NOVA1: variants seen among roughly 807,000 people sequenced by gnomAD.
NOVA1 encodes RNA-binding protein Nova-1.
NOVA1 carries 7 observed loss-of-function variants against 38.0 expected under a neutral mutation model. The observed-to-expected ratio is 0.18, with a 90% CI of 0.10 to 0.35. The LOEUF (loss-of-function observed/expected upper bound fraction) is 0.35. NOVA1 is among the 10% of genes least tolerant of loss of function. NOVA1 has a pLI of 1.00. For synonymous variants in NOVA1, 270 were observed against 232.5 expected (o/e 1.16, Z -1.47); for missense variants, 460 against 616.0 (o/e 0.75, Z 2.68).
intron 2 of NOVA1, among the ~76,000 whole-genome samples, chr14:26,557,902 C>T (rs745997806): frequency 1.6e-4 from 24 of 150,932 alleles, no homozygotes; most frequent in Non-Finnish European, 4.4e-5. Flanking sequence ...AACAGTGATA[C>T]ATCCATACAA....
At chr14:26,541,762 G>T (rs1362128895) in intron 2 of NOVA1, among the ~76,000 whole-genome samples, 1 of 151,638 alleles carries the variant, frequency 6.6e-6, no homozygotes, top group Non-Finnish European at 1.5e-5. Flanking sequence ...AAGGGTTGAG[G>T]AGCAGGGAAA....
In NOVA1 at chr14:26,483,304, TTACC is replaced by T. The variant is rs1885608883; in HGVS notation, c.281-3165_281-3162del. On this transcript the variant is annotated intron_variant, in intron 2 of 4. Coordinates refer to ENST00000539517, the MANE Select transcript of NOVA1 (RefSeq NM_002515.3). Reference sequence around the variant, plus strand: ...CTTATGCACTGGGCCCTGTGCCCCCTTACCTACCAAGTCCACTGCTTCTCCAGTT... The same window carrying T: ...CTTATGCACTGGGCCCTGTGCCCCCTTACCAAGTCCACTGCTTCTCCAGTT... 3.3e-5 allele frequency among the ~76,000 whole-genome samples: 5 copies of T among 152,224 alleles called. No individual in the cohort carries two copies. The South Asian group carries it at 1.0e-3, about 31-fold the overall frequency.
At position 26,565,050 on chromosome 14, in the gene NOVA1, C is replaced by T. The variant is rs180878446; in HGVS notation, c.280+30360G>A. On this transcript the variant is annotated intron_variant, in intron 2 of 4. Coordinates refer to ENST00000539517, the MANE Select transcript of NOVA1 (RefSeq NM_002515.3). Reference sequence around the variant, plus strand: ...AAAGTAGCTACAGGTGTAGAGAGTACAAGATAAAACTTAAGAGCTATTGAA... The same window carrying T: ...AAAGTAGCTACAGGTGTAGAGAGTATAAGATAAAACTTAAGAGCTATTGAA... Among the ~76,000 whole-genome samples the T allele has an allele frequency of 2.8e-4, 43 of 152,146 alleles. No individual in the cohort carries two copies. In the East Asian group the frequency reaches 7.9e-3, roughly 28 times the overall value.
At chr14:26,488,936 G>C (rs966230200) in intron 2 of NOVA1, among the ~76,000 whole-genome samples, 2 of 151,928 alleles carry the variant, frequency 1.3e-5, no homozygotes, top group Non-Finnish European at 2.9e-5. Context: ...TGTCCCAGCT[G>C]GGAAAACAGT....
intron 2 of NOVA1, chr14:26,588,396 T>G (rs1262832412): frequency 6.6e-6 from 1 of 151,428 alleles, no homozygotes; most frequent in Non-Finnish European, 1.5e-5. Context: ...CCAAATAATC[T>G]TACCTTAATC....
intron 2 of NOVA1, among the ~76,000 whole-genome samples, chr14:26,552,948 A>T (rs1594521803): frequency 6.6e-6 from 1 of 152,108 alleles, no homozygotes; most frequent in Non-Finnish European, 1.5e-5. Context: ...CAAAAACTTA[A>T]CCTGCAGTCA....
chr14:26,454,735 A>C (rs543699736), intron 4 of NOVA1, among the ~76,000 whole-genome samples: 1 of 152,278 alleles, frequency 6.6e-6, no homozygotes, highest in South Asian at 2.1e-4. Flanking sequence ...ATTTCATTTT[A>C]TCTCTTAAAC....
chr14:26,581,451 T>C (rs1265916307), intron 2 of NOVA1, among the ~76,000 whole-genome samples: 1 of 152,028 alleles, frequency 6.6e-6, no homozygotes, highest in Non-Finnish European at 1.5e-5. Context: ...AATTGAATCA[T>C]TTCATGTAAA....
In NOVA1 at chr14:26,448,617, A is replaced by G. The variant is rs778661602; in HGVS notation, c.866T>C (p.Leu289Ser). Residue 289 changes from leucine to serine, a missense_variant, in exon 5 of 5, where the codon TTA (leucine) becomes TCA (serine). Leu to Ser is a moderately radical substitution (Grantham distance 145). Transcript: ENST00000539517. The surrounding 1 kb of genome is among the most constrained non-coding windows in gnomAD (Gnocchi z 5.3). ...AACGCCAGCAAGGTTAGCATGTCCT[A>G]ATAGCCCTGCAGCTGCTGCAGCAGT... ...LPTAAAAAGL[L>S]GHANLAGVAA... 5 of 1,614,228 alleles carry G rather than the reference A, an allele frequency of 3.1e-6. No homozygotes were observed. The highest frequency in any genetic ancestry group is 4.2e-6 in the Non-Finnish European group (5 of 1,180,032).
chr14:26,476,697 G>A (rs1197968083), intron 3 of NOVA1, among the ~76,000 whole-genome samples: 3 of 150,632 alleles, frequency 2.0e-5, no homozygotes, highest in Non-Finnish European at 4.4e-5. Flanking sequence ...TCTTTTACAC[G>A]CCTCTGAATT....
At chr14:26,537,180 A>G (rs973735647) in intron 2 of NOVA1, among the ~76,000 whole-genome samples, 1 of 152,206 alleles carries the variant, frequency 6.6e-6, no homozygotes, top group Admixed American at 6.5e-5. Context: ...AATGCCTAAG[A>G]TGAAATAGTG....
intron 2 of NOVA1, among the ~76,000 whole-genome samples, chr14:26,509,118 T>G (rs937106089): frequency 6.6e-6 from 1 of 152,154 alleles, no homozygotes; most frequent in South Asian, 2.1e-4. Flanking sequence ...ATACAGAATA[T>G]CGCCTTATAT....
intron 2 of NOVA1, among the ~76,000 whole-genome samples, chr14:26,564,205 T>G (rs961982262): frequency 6.6e-6 from 1 of 152,112 alleles, no homozygotes; most frequent in African/African-American, 2.4e-5. Flanking sequence ...GTACATAACT[T>G]CACCATTTCA....
chr14:26,528,567 A>C (rs1889463071), intron 2 of NOVA1, among the ~76,000 whole-genome samples: 1 of 152,124 alleles, frequency 6.6e-6, no homozygotes, highest in Non-Finnish European at 1.5e-5. Flanking sequence ...AGAAAAAAGA[A>C]TACCTTAGAC....
intron 3 of NOVA1, among the ~76,000 whole-genome samples, chr14:26,472,848 C>T (rs1024134473): frequency 1.4e-4 from 22 of 151,994 alleles, no homozygotes; most frequent in Non-Finnish European, 2.6e-4. Flanking sequence ...AAATTATCCA[C>T]CTACTTAATA....
At chr14:26,454,184 A>C (rs559948940) in intron 4 of NOVA1, among the ~76,000 whole-genome samples, 1 of 152,270 alleles carries the variant, frequency 6.6e-6, no homozygotes, top group East Asian at 1.9e-4. Context: ...AAAACAGAAA[A>C]GTTTTAAGAA....
rs1379668779 is a variant in NOVA1 at position 26,455,656 on chromosome 14, C to T, written c.520-6693G>A. Among the ~76,000 whole-genome samples, 3 of 151,360 alleles carry T rather than the reference C, an allele frequency of 2.0e-5. No homozygotes were observed. In the South Asian group the frequency reaches 6.3e-4, roughly 32 times the overall value. ...ACATTATTCAAAATTTAAAGATATA[C>T]AACACTATATCCCAGGGAGGGATAT... is the stretch of plus-strand genomic sequence containing the variant. On this transcript the variant is annotated intron_variant, in intron 4 of 4. Transcript: ENST00000539517.
At chr14:26,496,225 A>T (rs1886767768) in intron 2 of NOVA1, among the ~76,000 whole-genome samples, 1 of 151,994 alleles carries the variant, frequency 6.6e-6, no homozygotes, top group South Asian at 2.1e-4. Context: ...TGTGGTTTTG[A>T]TTTGCATTTC....
chr14:26,500,956 C>T (rs181527532), intron 2 of NOVA1, among the ~76,000 whole-genome samples: 5 of 152,046 alleles, frequency 3.3e-5, no homozygotes, highest in Admixed American at 2.0e-4. Flanking sequence ...AAATGATTCA[C>T]AGTGCTCATC....
Sources: allele counts gnomAD v4.1 joint callset (sites outside exome capture counted in the v4.1 genomes callset), GRCh38; gene constraint gnomAD v4.1.1; non-coding constraint Gnocchi (gnomAD v3.1); transcripts MANE v1.5; gene names NCBI Gene and HGNC (gene_info 2026-07-23, HGNC 2026-07-21).